ATRIP: variants seen among roughly 807,000 people sequenced by gnomAD.
The protein encoded by ATRIP is ATR interacting protein.
Under a neutral mutation model 78.1 loss-of-function variants are expected in ATRIP, and 44 were observed. The observed-to-expected ratio is 0.56, with a 90% CI of 0.44 to 0.72. The LOEUF is 0.72. Ranked by LOEUF, ATRIP falls within the 30% of genes least tolerant of loss-of-function variation. The pLI, the probability that ATRIP is intolerant of heterozygous loss-of-function variation, is 0.00. For missense variants in ATRIP, 927 were observed against 980.2 expected (o/e 0.95, Z 0.72); for synonymous variants, 388 against 408.9 (o/e 0.95, Z 0.62).
chr3:48,464,112 T>C lies in ATRIP; in HGVS notation c.1954T>C (p.Trp652Arg). ...RPDRVALETQ[W>R]LQLEQEVVWL... ...TGACAGAGTGGCCTTGGAGACACAA[T>C]GGCTCCAGCTGGAACAAGAGGTAAA... is the stretch of plus-strand genomic sequence containing the variant. Residue 652 changes from tryptophan to arginine, a missense_variant, in exon 10 of 13, where the codon TGG (tryptophan) becomes CGG (arginine). Physicochemically the swap from Trp to Arg is moderately radical, Grantham distance 101. Transcript: ENST00000320211. 1.2e-6 allele frequency: 2 copies of C among 1,613,672 alleles called. No homozygotes were observed. The highest frequency in any genetic ancestry group is 1.7e-5 in the Admixed American group (1 of 60,016).
chr3:48,465,033 C>CG lies in ATRIP; in HGVS notation c.2263dup (p.Val755GlyfsTer10). The stretch of plus-strand genomic sequence containing the variant: ...CTGCATCAGTTTGACCAGGTGATGC[C>CG]GGGGGTCAGCATGCTCATCCGAGGG... On this transcript the variant is annotated frameshift_variant, in exon 12 of 13. Coordinates refer to ENST00000320211, the MANE Select transcript of ATRIP (RefSeq NM_130384.3). LOFTEE classifies it high-confidence loss of function. 6.2e-7 allele frequency: 1 copy of CG among 1,613,636 alleles called. No homozygotes were observed. Among genetic ancestry groups the CG allele is most frequent in the Non-Finnish European group, 8.5e-7 (1 of 1,179,820 alleles).
In ATRIP at chr3:48,467,502, TCCAGGGAGGGGCTGCTGGCC is replaced by T; in HGVS notation, c.*1952_*1971del. Reference sequence around the variant, plus strand: ...TCCAGTGAAGGACCCTGGAGCCCTATCCAGGGAGGGGCTGCTGGCCCCACTGGGTCTGCTGGCCATCCTGA... The same window carrying T: ...TCCAGTGAAGGACCCTGGAGCCCTATCCACTGGGTCTGCTGGCCATCCTGA... On this transcript the variant is annotated 3_prime_UTR_variant, in exon 13 of 13. Coordinates refer to ENST00000320211, the MANE Select transcript of ATRIP (RefSeq NM_130384.3). 3 of 1,614,082 alleles carry T rather than the reference TCCAGGGAGGGGCTGCTGGCC, an allele frequency of 1.9e-6. No individual in the cohort carries two copies. The highest frequency in any genetic ancestry group is 2.5e-6 in the Non-Finnish European group (3 of 1,180,008).
chr3:48,461,969 G>C (rs900168234), intron 8 of ATRIP, among the ~76,000 whole-genome samples: 1 of 152,144 alleles, frequency 6.6e-6, no homozygotes, highest in East Asian at 1.9e-4. Context: ...GCCTGCCAAA[G>C]TGCAAGGATT....
rs368429431 is a variant in ATRIP at position 48,464,713 on chromosome 3, G to A, written c.2055+51G>A. The A allele has an allele frequency of 7.1e-5, 115 of 1,613,090 alleles. No individual in the cohort carries two copies. The African/African-American group carries it at 1.2e-3, about 16-fold the overall frequency. On this transcript the variant is annotated intron_variant, in intron 11 of 12. Coordinates refer to ENST00000320211, the MANE Select transcript of ATRIP (RefSeq NM_130384.3). ...GCAGCTCTGGTGGTAAGGGGGCCCCGTGCAAGGACTGTAGGCCCCACTGCA... is the reference window on the plus strand; with the variant it reads ...GCAGCTCTGGTGGTAAGGGGGCCCCATGCAAGGACTGTAGGCCCCACTGCA...
chr3:48,458,124 C>G (rs898117266), intron 5 of ATRIP, among the ~76,000 whole-genome samples: 1 of 148,600 alleles, frequency 6.7e-6, no homozygotes, highest in African/African-American at 2.5e-5. Context: ...GTCACCCAGG[C>G]TGGAGTGCAA....
intron 2 of ATRIP, among the ~76,000 whole-genome samples, chr3:48,450,929 C>G (rs991020529): frequency 2.0e-5 from 3 of 151,864 alleles, no homozygotes; most frequent in African/African-American, 7.3e-5. Context: ...TGGCTCACAC[C>G]TGTAATCCCA....
At chr3:48,465,388 C>T in intron 12 of ATRIP, 99 bp from the exon 13 acceptor site, 1 of 1,232,188 alleles carries the variant, frequency 8.1e-7, no homozygotes, top group Non-Finnish European at 1.2e-6. Context: ...GTGGAAGGGA[C>T]TGGTTAGTTC....
At position 48,467,151 on chromosome 3, in the gene ATRIP, A is replaced by G; in HGVS notation, c.*1597A>G. 6.2e-7 allele frequency: 1 copy of G among 1,614,002 alleles called. No homozygotes were observed. The highest frequency in any genetic ancestry group is 8.5e-7 in the Non-Finnish European group (1 of 1,180,012). On this transcript the variant is annotated 3_prime_UTR_variant, in exon 13 of 13. Transcript: ENST00000320211. The stretch of plus-strand genomic sequence containing the variant: ...TGCGCTGAAGGCCCTGGAGCGAGCA[A>G]GCAGCCCCTCAGAACACGGCCCAAG...
At chr3:48,451,315 C>A (rs949652334) in intron 2 of ATRIP, among the ~76,000 whole-genome samples, 2 of 152,160 alleles carry the variant, frequency 1.3e-5, no homozygotes, top group South Asian at 2.1e-4. Context: ...TACAATGAGA[C>A]CCTGTCTCTA....
chr3:48,451,314 A>T (rs1178637914), intron 2 of ATRIP, among the ~76,000 whole-genome samples: 4 of 152,110 alleles, frequency 2.6e-5, no homozygotes, highest in Non-Finnish European at 1.5e-5. Context: ...ATACAATGAG[A>T]CCCTGTCTCT....
At chr3:48,458,172 G>T (rs1239032959) in intron 5 of ATRIP, among the ~76,000 whole-genome samples, 6 of 151,004 alleles carry the variant, frequency 4.0e-5, no homozygotes, top group Admixed American at 4.0e-4. Context: ...CCGCCTCCCG[G>T]GTTCAAGTGA....
chr3:48,454,982 C>T (rs906122601), intron 4 of ATRIP, among the ~76,000 whole-genome samples: 6 of 151,966 alleles, frequency 3.9e-5, no homozygotes, highest in Non-Finnish European at 8.8e-5. Flanking sequence ...CCTCCTTCAG[C>T]CTCCTGAGTA....
rs1464355841 is a variant in ATRIP at position 48,467,182 on chromosome 3, G to T, written c.*1628G>T. ...CCCTCAGAACACGGCCCAAGGAAGAGCTATAGCCTAGGCAGCATCTACACT... is the reference window on the plus strand; with the variant it reads ...CCCTCAGAACACGGCCCAAGGAAGATCTATAGCCTAGGCAGCATCTACACT... On this transcript the variant is annotated 3_prime_UTR_variant, in exon 13 of 13. Transcript: ENST00000320211. 6.2e-7 allele frequency: 1 copy of T among 1,613,918 alleles called. No homozygotes were observed.
chr3:48,466,882 C>T lies in ATRIP; in HGVS notation c.*1328C>T. 1.2e-6 allele frequency: 2 copies of T among 1,612,648 alleles called. No homozygotes were observed. The highest frequency in any genetic ancestry group is 1.7e-6 in the Non-Finnish European group (2 of 1,180,012). ...TCCCTGTGTGTGGCTCCGGGGAAGG[C>T]CTGCAGCCCTGCAGCCAGCGAGATC... On this transcript the variant is annotated 3_prime_UTR_variant, in exon 13 of 13. Transcript: ENST00000320211.
chr3:48,447,248 G>A (rs2039702597), intron 1 of ATRIP, 156 bp downstream of exon 1: 1 of 1,268,252 alleles, frequency 7.9e-7, no homozygotes, highest in South Asian at 2.9e-5. Flanking sequence ...TCTTCCAGAA[G>A]GTCCTTTGAT....
chr3:48,467,043 G>A lies in ATRIP; in HGVS notation c.*1489G>A, dbSNP rs781051771. ...GGTGGCACACAATGGTGACCGCTACGACTTCCCCCTGCTCCAAGCAGAGCT... is the reference window on the plus strand; with the variant it reads ...GGTGGCACACAATGGTGACCGCTACAACTTCCCCCTGCTCCAAGCAGAGCT... On this transcript the variant is annotated 3_prime_UTR_variant, in exon 13 of 13. Coordinates refer to ENST00000320211, the MANE Select transcript of ATRIP (RefSeq NM_130384.3). 12 of 1,613,954 alleles carry A rather than the reference G, an allele frequency of 7.4e-6. No individual in the cohort carries two copies. The highest frequency in any genetic ancestry group is 1.0e-5 in the Non-Finnish European group (12 of 1,180,032).
At chr3:48,454,504 G>T in intron 4 of ATRIP, 86 bp downstream of exon 4, 2 of 987,866 alleles carry the variant, frequency 2.0e-6, no homozygotes, top group Non-Finnish European at 1.6e-6. Context: ...CCTAAATGAA[G>T]GCCATTTAGA....
Position 48,446,853 on chromosome 3 carries a change from G to C in ATRIP, c.8G>C (p.Gly3Ala), listed in dbSNP as rs1329520655. 1.4e-6 allele frequency: 2 copies of C among 1,401,578 alleles called. No individual in the cohort carries two copies. The highest frequency in any genetic ancestry group is 2.8e-5 in the East Asian group (1 of 36,118). 86.8% of individuals were successfully genotyped at this position (1,401,578 alleles called of 1,614,324 possible). Residue 3 changes from glycine (G) to alanine (A), a missense_variant, in exon 1 of 13, where the codon GGG (glycine) becomes GCG (alanine). Physicochemically the swap from Gly to Ala is moderately conservative, Grantham distance 60 (BLOSUM62 0). Transcript: ENST00000320211. MA[G>A]TSAPGSKRRS... ...TTGGGGTGAGCGGAAAGCATGGCGG[G>C]GACCTCCGCGCCAGGCAGCAAGAGG...
chr3:48,455,524 C>G (rs1229374693), intron 4 of ATRIP, among the ~76,000 whole-genome samples: 1 of 151,904 alleles, frequency 6.6e-6, no homozygotes, highest in Non-Finnish European at 1.5e-5. Context: ...GAGTCTCACT[C>G]TGTTGTCCAG....
Sources: allele counts gnomAD v4.1 joint callset (sites outside exome capture counted in the v4.1 genomes callset), GRCh38; gene constraint gnomAD v4.1.1; transcripts MANE v1.5; gene names NCBI Gene and HGNC (gene_info 2026-07-23, HGNC 2026-07-21).